NLRC3: variants seen among roughly 807,000 people sequenced by gnomAD.
NLRC3 encodes NLR family CARD domain-containing protein 3.
Under a neutral mutation model 91.6 loss-of-function variants are expected in NLRC3, and 87 were observed. That is an observed-to-expected ratio of 0.95 (90% CI 0.80 to 1.14). The LOEUF is 1.14. Among genes scored for constraint, NLRC3 ranks in the 50% most tolerant of loss-of-function variants. NLRC3 has a pLI of 0.00. For synonymous variants in NLRC3, 694 were observed against 625.3 expected (o/e 1.11, Z -1.64); for missense variants, 1,577 against 1,418.6 (o/e 1.11, Z -1.79).
intron 8 of NLRC3, chr16:3,555,757 T>G (rs1367858758): frequency 6.6e-6 from 1 of 151,158 alleles, no homozygotes; most frequent in African/African-American, 2.4e-5. Context: ...TTCTTTTTTT[T>G]TTTTAGTAGA....
chr16:3,561,915 C>T, intron 5 of NLRC3, 127 bp from the exon 6 acceptor site: 1 of 685,408 alleles, frequency 1.5e-6, no homozygotes, highest in East Asian at 2.6e-5. Context: ...GATCTGCGCT[C>T]AGCCCCAGTG....
intron 15 of NLRC3, among the ~76,000 whole-genome samples, chr16:3,547,095 CA>C (rs911916323): frequency 1.3e-5 from 2 of 152,192 alleles, no homozygotes; most frequent in African/African-American, 2.4e-5. Flanking sequence ...GAAACTGGTG[CA>C]CAAAGGTCCA....
intron 1 of NLRC3, among the ~76,000 whole-genome samples, chr16:3,574,079 G>T (rs904587176): frequency 3.9e-5 from 5 of 129,740 alleles, no homozygotes; most frequent in Admixed American, 3.8e-4. Context: ...CTGGAGTGTC[G>T]TGGCACTATC....
chr16:3,573,721 G>A (rs561611706), intron 1 of NLRC3, among the ~76,000 whole-genome samples: 28 of 152,258 alleles, frequency 1.8e-4, no homozygotes, highest in African/African-American at 6.5e-4. Context: ...CTTATTGATT[G>A]ATTGATTTAA....
chr16:3,542,866 A>G, intron 17 of NLRC3, 91 bp from the exon 18 acceptor site: 1 of 792,018 alleles, frequency 1.3e-6, no homozygotes, highest in Non-Finnish European at 2.1e-6. Flanking sequence ...TGCTTGGTAG[A>G]GGAAACAAGG....
chr16:3,570,607 C>A (rs1046242671), intron 1 of NLRC3, among the ~76,000 whole-genome samples: 1 of 151,980 alleles, frequency 6.6e-6, no homozygotes. Context: ...TGGTAATTGG[C>A]GGCTGGGGAA....
At chr16:3,544,198 A>T in intron 16 of NLRC3, 48 bp downstream of exon 16, 1 of 1,077,418 alleles carries the variant, frequency 9.3e-7, no homozygotes. Context: ...ACGTGAAAGG[A>T]TGGCGAAGGG....
chr16:3,569,664 C>T (rs2151106140), intron 1 of NLRC3, among the ~76,000 whole-genome samples: 1 of 151,960 alleles, frequency 6.6e-6, no homozygotes, highest in East Asian at 2.0e-4. Flanking sequence ...TCCCAAAGTG[C>T]TCGGATTGTA....
rs1017371068 is a variant in NLRC3, at chr16:3,548,656, A to C, written c.2687+14T>G. On this transcript the variant is annotated intron_variant, in intron 14 of 19. Transcript: ENST00000359128. Reference sequence around the variant, plus strand: ...AGAAGGGGAACAGAGCAGGGTGGAGAGCTGCAGACTCACTGAAGGGAGGTG... The same window carrying C: ...AGAAGGGGAACAGAGCAGGGTGGAGCGCTGCAGACTCACTGAAGGGAGGTG... 6.5e-7 allele frequency: 1 copy of C among 1,545,030 alleles called. No individual in the cohort carries two copies. The highest frequency in any genetic ancestry group is 1.2e-5 in the South Asian group (1 of 84,638).
chr16:3,563,338 C>G lies in NLRC3; in HGVS notation c.1599G>C (p.Leu533=), dbSNP rs769136665. 6 of 1,593,280 alleles carry G rather than the reference C, an allele frequency of 3.8e-6. No individual in the cohort carries two copies. The highest frequency in any genetic ancestry group is 5.1e-6 in the Non-Finnish European group (6 of 1,171,062). Reference sequence around the variant, plus strand: ...AGGCCTGGTGCTCGCCTTGGGCCAGCAGGGAGCCGGCCAGGAGGGCATTGA... The same window carrying G: ...AGGCCTGGTGCTCGCCTTGGGCCAGGAGGGAGCCGGCCAGGAGGGCATTGA... ...PRVNALLAGS[L]LAQGEHQAYR... The change falls in exon 5 of 20, where the codon CTG becomes CTC. Residue 533 remains leucine, a synonymous_variant. Coordinates refer to ENST00000359128, the MANE Select transcript of NLRC3 (RefSeq NM_178844.4).
At chr16:3,558,581 A>C (rs1389273899) in intron 6 of NLRC3, among the ~76,000 whole-genome samples, 2 of 130,402 alleles carry the variant, frequency 1.5e-5, no homozygotes, top group African/African-American at 3.2e-5. Context: ...TTAAAAAAAA[A>C]CCACACACAC....
Position 3,540,608 on chromosome 16 carries a change from G to C in NLRC3, c.*1217C>G, listed in dbSNP as rs2038355448. On this transcript the variant is annotated 3_prime_UTR_variant, in exon 20 of 20. Transcript: ENST00000359128. The stretch of plus-strand genomic sequence containing the variant: ...ACTTGAGGTCAGGAGTTAAAGACCA[G>C]CCTGATCAACATGGTGAAACCCCAT... 6.6e-6 allele frequency: 1 copy of C among 152,168 alleles called. No homozygotes were observed. Among genetic ancestry groups the C allele is most frequent in the South Asian group, 2.1e-4 (1 of 4,830 alleles). 9.4% of individuals were successfully genotyped at this position (152,168 alleles called of 1,614,324 possible).
chr16:3,543,615 A>G, intron 16 of NLRC3, 107 bp from the exon 17 acceptor site: 2 of 758,534 alleles, frequency 2.6e-6, no homozygotes, highest in Non-Finnish European at 4.5e-6. Context: ...GTGGAGAAAC[A>G]GCACTGAGAA....
intron 1 of NLRC3, among the ~76,000 whole-genome samples, chr16:3,575,903 G>GCC (rs940858666): frequency 6.6e-6 from 1 of 152,102 alleles, no homozygotes; most frequent in Non-Finnish European, 1.5e-5. Flanking sequence ...TCCTGCCCCT[G>GCC]CCCCCTCCCA....
At chr16:3,566,101 C>CAAAAAAAAAAA (rs1027448717) in intron 2 of NLRC3, among the ~76,000 whole-genome samples, 1 of 21,318 alleles carries the variant, frequency 4.7e-5, no homozygotes, top group African/African-American at 2.0e-4. Context: ...GAGCAAAAAG[C>CAAAAAAAAAAA]AAAAAAAAAA....
In NLRC3 at chr16:3,564,869, G is replaced by T; in HGVS notation, c.168C>A (p.Pro56=). The T allele has an allele frequency of 6.2e-7, 1 of 1,605,674 alleles. No homozygotes were observed. ...LDRTPDAPLG[P]CSNDSRIQRH... ...CCAAGCCGGTCCTACCATTGCTGCAGGGCCCCAGCGGGGCATCCGGTGTCC... is the reference window on the plus strand; with the variant it reads ...CCAAGCCGGTCCTACCATTGCTGCATGGCCCCAGCGGGGCATCCGGTGTCC... The change falls in exon 4 of 20, where the codon CCC becomes CCA. Residue 56 remains proline (P), a synonymous_variant. Coordinates refer to ENST00000359128, the MANE Select transcript of NLRC3 (RefSeq NM_178844.4). This position sits in a 1 kb window ranked among gnomAD's most constrained non-coding sequence, Gnocchi z 5.9.
At chr16:3,551,651 CCATT>C (rs913245718) in intron 10 of NLRC3, among the ~76,000 whole-genome samples, 1 of 151,402 alleles carries the variant, frequency 6.6e-6, no homozygotes, top group Non-Finnish European at 1.5e-5. Flanking sequence ...ATCCATCCAT[CCATT>C]CAACCGTCCA....
In NLRC3 at chr16:3,548,960, G is replaced by A. The variant is rs146843561; in HGVS notation, c.2603+182C>T. ...ACGGCGTCACACTAGCCTCACCCTC[G>A]TGCAGTTTACACTATGAGAGTGGGG... On this transcript the variant is annotated intron_variant, in intron 13 of 19. Coordinates refer to ENST00000359128, the MANE Select transcript of NLRC3 (RefSeq NM_178844.4). Among the ~76,000 whole-genome samples the A allele has an allele frequency of 3.7e-3, 558 of 152,286 alleles. 8 individuals are homozygous for A. The highest frequency in any genetic ancestry group is 0.012 in the African/African-American group (510 of 41,560).
At position 3,543,472 on chromosome 16, in the gene NLRC3, C is replaced by T. The variant is rs1464070636; in HGVS notation, c.2892G>A (p.Gln964=). The T allele has an allele frequency of 1.2e-6, 2 of 1,613,234 alleles. No homozygotes were observed. The highest frequency in any genetic ancestry group is 1.3e-5 in the African/African-American group (1 of 74,934). ...TCACAGCCAAGGCTTCCCCTAGCAC[C>T]TGGGCGCCTGAAGCACCAATTGAGG... ...QVASIGASGA[Q]VLGEALAVNR... Residue 964 remains glutamine, a synonymous_variant, in exon 17 of 20, where the codon CAG becomes CAA. Coordinates refer to ENST00000359128, the MANE Select transcript of NLRC3 (RefSeq NM_178844.4).
Sources: gnomAD v4.1 joint callset for allele counts (sites outside exome capture counted in the v4.1 genomes callset) on GRCh38, gnomAD v4.1.1 for gene constraint, Gnocchi (gnomAD v3.1) non-coding constraint, MANE v1.5 for transcripts, NCBI Gene and HGNC (gene_info 2026-07-23, HGNC 2026-07-21) for gene names.